LRFN2: variants seen among roughly 807,000 people sequenced by gnomAD.
LRFN2 encodes the protein leucine rich repeat and fibronectin type III domain containing 2.
In LRFN2, 18 loss-of-function variants were observed where a neutral mutation model predicts 37.3. The ratio of observed to expected loss-of-function variants is 0.48; its 90% CI spans 0.33 to 0.72. The LOEUF is 0.72. Among genes scored for constraint, LRFN2 ranks in the 30% least tolerant of loss-of-function variants. The probability of loss-of-function intolerance (pLI) is 0.02; values close to 1 mark genes in which losing one functional copy is unlikely to be tolerated. For synonymous variants in LRFN2, 556 were observed against 466.6 expected (o/e 1.19, Z -2.47); for missense variants, 1,006 against 1,060.7 (o/e 0.95, Z 0.72).
At chr6:40,422,300 T>A (rs1378078383) in intron 2 of LRFN2, among the ~76,000 whole-genome samples, 1 of 152,232 alleles carries the variant, frequency 6.6e-6, no homozygotes, top group East Asian at 1.9e-4. Context: ...ATTCCCTAGC[T>A]GTGGATTTAC....
Position 40,564,366 on chromosome 6 carries a change from C to T in LRFN2, c.-19+22575G>A, listed in dbSNP as rs562773661. On this transcript the variant is annotated intron_variant, in intron 1 of 2. Coordinates refer to ENST00000338305, the MANE Select transcript of LRFN2 (RefSeq NM_020737.3). Reference sequence around the variant, plus strand: ...GCTGCTTTTCTGCTTCAGCACCTGGCGATACATATAGACAAAATTAAGTTC... The same window carrying T: ...GCTGCTTTTCTGCTTCAGCACCTGGTGATACATATAGACAAAATTAAGTTC... 1.1e-4 allele frequency among the ~76,000 whole-genome samples: 17 copies of T among 152,228 alleles called. No individual in the cohort carries two copies. In the South Asian group the frequency reaches 1.2e-3, roughly 11 times the overall value.
chr6:40,411,565 G>T (rs900223986), intron 2 of LRFN2, among the ~76,000 whole-genome samples: 1 of 152,056 alleles, frequency 6.6e-6, no homozygotes, highest in Non-Finnish European at 1.5e-5. Context: ...GCCCCATCTC[G>T]CCCACCCTGC....
At chr6:40,514,948 G>C (rs867783362) in intron 1 of LRFN2, among the ~76,000 whole-genome samples, 6 of 152,156 alleles carry the variant, frequency 3.9e-5, no homozygotes, top group Non-Finnish European at 5.9e-5. Flanking sequence ...GAACTTCTCA[G>C]CAGTAGCCAC....
intron 2 of LRFN2, among the ~76,000 whole-genome samples, chr6:40,425,250 C>T (rs56049942): frequency 0.11 from 16,910 of 152,202 alleles, 1,030 homozygotes; most frequent in Non-Finnish European, 0.13. Flanking sequence ...CTTATAGCCC[C>T]TCACTTTTCT....
At chr6:40,402,468 C>G (rs1196330692) in intron 2 of LRFN2, among the ~76,000 whole-genome samples, 2 of 152,216 alleles carry the variant, frequency 1.3e-5, no homozygotes, top group African/African-American at 2.4e-5. Flanking sequence ...AAAAAAATAA[C>G]ATGCCTTACT....
At chr6:40,463,911 C>A (rs778744049) in intron 1 of LRFN2, among the ~76,000 whole-genome samples, 56 of 152,154 alleles carry the variant, frequency 3.7e-4, no homozygotes, top group Non-Finnish European at 7.1e-4. Context: ...CTCCTGGGCT[C>A]ATGCCATCAC....
At chr6:40,498,213 T>C (rs144257028) in intron 1 of LRFN2, among the ~76,000 whole-genome samples, 1 of 152,048 alleles carries the variant, frequency 6.6e-6, no homozygotes, top group Non-Finnish European at 1.5e-5. Flanking sequence ...AAGCAGGAGA[T>C]GGGACACAGC....
intron 1 of LRFN2, among the ~76,000 whole-genome samples, chr6:40,458,258 T>C (rs866284107): frequency 6.6e-6 from 1 of 152,354 alleles, no homozygotes; most frequent in South Asian, 2.1e-4. Flanking sequence ...CACGAATGTA[T>C]AAATTATGCC....
At chr6:40,581,544 C>T (rs1486506464) in intron 1 of LRFN2, among the ~76,000 whole-genome samples, 1 of 152,228 alleles carries the variant, frequency 6.6e-6, no homozygotes, top group Non-Finnish European at 1.5e-5. Context: ...TCCATCCTCC[C>T]TCCCTTCTTC....
intron 1 of LRFN2, among the ~76,000 whole-genome samples, chr6:40,478,815 A>G (rs1764763632): frequency 6.6e-6 from 1 of 152,232 alleles, no homozygotes; most frequent in Admixed American, 6.5e-5. Flanking sequence ...ATTCTGAAAT[A>G]CATTTTCTAT....
intron 2 of LRFN2, among the ~76,000 whole-genome samples, chr6:40,399,293 T>C (rs1284193969): frequency 6.6e-6 from 1 of 151,514 alleles, no homozygotes; most frequent in Non-Finnish European, 1.5e-5. Flanking sequence ...GTTGCTAATC[T>C]CTATAGCGCC....
chr6:40,559,800 C>T (rs1308860138), intron 1 of LRFN2, among the ~76,000 whole-genome samples: 2 of 152,134 alleles, frequency 1.3e-5, no homozygotes, highest in Non-Finnish European at 2.9e-5. Flanking sequence ...CCTCTGACTC[C>T]CCATCCTGGA....
chr6:40,564,873 A>G (rs1232849938), intron 1 of LRFN2, among the ~76,000 whole-genome samples: 2 of 152,102 alleles, frequency 1.3e-5, no homozygotes, highest in East Asian at 3.9e-4. Flanking sequence ...TCCAACCCCA[A>G]AATCCCCCCA....
chr6:40,584,830 T>G (rs1767473337), intron 1 of LRFN2, among the ~76,000 whole-genome samples: 1 of 151,640 alleles, frequency 6.6e-6, no homozygotes, highest in Non-Finnish European at 1.5e-5. Context: ...TTTTTTTTCC[T>G]TTGGAGCTGA....
intron 2 of LRFN2, among the ~76,000 whole-genome samples, chr6:40,428,826 C>A (rs533008795): frequency 6.6e-6 from 1 of 152,260 alleles, no homozygotes; most frequent in Admixed American, 6.5e-5. Flanking sequence ...TCAACGCTTA[C>A]TTTTTTCTCA....
intron 1 of LRFN2, among the ~76,000 whole-genome samples, chr6:40,491,069 T>C (rs780533473): frequency 2.6e-5 from 4 of 152,110 alleles, no homozygotes; most frequent in African/African-American, 7.2e-5. Context: ...GCGGTGGAGA[T>C]GGCGGTCACG....
Position 40,427,430 on chromosome 6 carries a change from T to A in LRFN2, c.1400+4284A>T, listed in dbSNP as rs78879924. Among the ~76,000 whole-genome samples, 844 of 152,280 alleles carry A rather than the reference T, an allele frequency of 5.5e-3. 9 individuals carry two copies. The highest frequency in any genetic ancestry group is 0.02 in the African/African-American group (820 of 41,552). On this transcript the variant is annotated intron_variant, in intron 2 of 2. Transcript: ENST00000338305. ...CACAGCCAGCAGAAACTCCTAGGAC[T>A]TTTTCCAACTGGACCTGTCACTCCA...
chr6:40,526,908 G>C (rs1766266297), intron 1 of LRFN2, among the ~76,000 whole-genome samples: 1 of 152,134 alleles, frequency 6.6e-6, no homozygotes, highest in Non-Finnish European at 1.5e-5. Flanking sequence ...CTGGCTCCTG[G>C]GATCATTCCT....
chr6:40,391,861 G>A lies in LRFN2; in HGVS notation c.*82C>T. 1 of 1,397,862 alleles carries A rather than the reference G, an allele frequency of 7.2e-7. No homozygotes were observed. Among genetic ancestry groups the A allele is most frequent in the Non-Finnish European group, 9.5e-7 (1 of 1,047,402 alleles). 86.6% of individuals were successfully genotyped at this position (1,397,862 alleles called of 1,614,324 possible). A position where few individuals can be genotyped will look rare whatever the true frequency, so the allele number is the denominator to read the frequency against. On this transcript the variant is annotated 3_prime_UTR_variant, in exon 3 of 3. Coordinates refer to ENST00000338305, the MANE Select transcript of LRFN2 (RefSeq NM_020737.3). ...GTCCCTGGATGTAAACATCACCATGGAAACTCCACAAACACTTGCCAGTGA... is the reference window on the plus strand; with the variant it reads ...GTCCCTGGATGTAAACATCACCATGAAAACTCCACAAACACTTGCCAGTGA...
Sources: gnomAD v4.1 joint callset for allele counts (sites outside exome capture counted in the v4.1 genomes callset) on GRCh38, gnomAD v4.1.1 for gene constraint, MANE v1.5 for transcripts, NCBI Gene and HGNC (gene_info 2026-07-23, HGNC 2026-07-21) for gene names.